SGMS1: variants seen among roughly 807,000 people sequenced by gnomAD.
SGMS1 encodes the protein sphingomyelin synthase 1.
A neutral mutation model predicts 46.2 loss-of-function variants in SGMS1; 13 were observed. The observed-to-expected ratio is 0.28, with a 90% CI of 0.18 to 0.45. SGMS1 has a LOEUF of 0.45. SGMS1 is among the 20% of genes least tolerant of loss of function. The pLI is 1.00. For missense variants in SGMS1, 324 were observed against 519.9 expected, an observed-to-expected ratio of 0.62 and a Z score of 3.66; for synonymous variants, 203 against 187.8, an observed-to-expected ratio of 1.08 and a Z score of -0.66.
chr10:50,585,461 T>C (rs982689654), intron 2 of SGMS1, among the ~76,000 whole-genome samples: 4 of 152,266 alleles, frequency 2.6e-5, no homozygotes, highest in African/African-American at 9.6e-5. Flanking sequence ...TTATCAAGTT[T>C]ATAAAATTAA....
chr10:50,399,029 T>C (rs917824907), intron 6 of SGMS1, among the ~76,000 whole-genome samples: 5 of 152,084 alleles, frequency 3.3e-5, no homozygotes, highest in Non-Finnish European at 4.4e-5. Context: ...AGAGATTAAA[T>C]GTAAAAAGAT....
At chr10:50,523,654 C>T (rs1179946313) in intron 2 of SGMS1, among the ~76,000 whole-genome samples, 1 of 152,212 alleles carries the variant, frequency 6.6e-6, no homozygotes, top group East Asian at 1.9e-4. Flanking sequence ...AGAAAAGAAT[C>T]CTTTTCATAT....
chr10:50,307,439 T>C lies in SGMS1; in HGVS notation c.1063-118A>G. The stretch of plus-strand genomic sequence containing the variant: ...CCTGCCCTGCGTGTCCACCCACATA[T>C]CCCAGCTTCTCTCTCTCATCACCAT... On this transcript the variant is annotated intron_variant, in intron 10 of 10. Coordinates refer to ENST00000361781, the MANE Select transcript of SGMS1 (RefSeq NM_147156.4). The surrounding 1 kb of genome is among the most constrained non-coding windows in gnomAD (Gnocchi z 4.2). 1 of 747,650 alleles carries C rather than the reference T, an allele frequency of 1.3e-6. No individual in the cohort carries two copies. The allele number at this position is 747,650 out of a possible 1,614,324, so 46.3% of individuals were successfully genotyped here. A position where few individuals can be genotyped will look rare whatever the true frequency, so the allele number is the denominator to read the frequency against.
intron 5 of SGMS1, among the ~76,000 whole-genome samples, chr10:50,447,878 T>G (rs182041389): frequency 1.3e-5 from 2 of 152,172 alleles, no homozygotes; most frequent in Non-Finnish European, 2.9e-5. Flanking sequence ...AATAATCCCA[T>G]GTGCAGCAAA....
intron 2 of SGMS1, among the ~76,000 whole-genome samples, chr10:50,549,949 A>G (rs1320822753): frequency 6.6e-6 from 1 of 152,224 alleles, no homozygotes; most frequent in African/African-American, 2.4e-5. Flanking sequence ...ACAGCTATTA[A>G]AAGCTACATA....
chr10:50,482,926 G>C (rs1338619561), intron 3 of SGMS1, among the ~76,000 whole-genome samples: 1 of 152,106 alleles, frequency 6.6e-6, no homozygotes, highest in African/African-American at 2.4e-5. Context: ...CTGACAAACA[G>C]GCTTCAAACC....
chr10:50,589,282 T>G (rs887269342), intron 2 of SGMS1, among the ~76,000 whole-genome samples: 2 of 152,106 alleles, frequency 1.3e-5, no homozygotes, highest in African/African-American at 2.4e-5. Flanking sequence ...GTGAGAGAGA[T>G]AGACTGGGAC....
intron 6 of SGMS1, among the ~76,000 whole-genome samples, chr10:50,367,653 T>G (rs1848368042): frequency 6.6e-6 from 1 of 152,254 alleles, no homozygotes. Context: ...TTTCTTTTCC[T>G]GACAGCAATT....
intron 8 of SGMS1, among the ~76,000 whole-genome samples, chr10:50,313,448 T>A (rs1333133370): frequency 3.3e-5 from 5 of 152,120 alleles, no homozygotes; most frequent in African/African-American, 1.2e-4. Context: ...TGAAGGAGAA[T>A]AGGAAAAGGC....
At chr10:50,407,441 G>C (rs1849030912) in intron 6 of SGMS1, among the ~76,000 whole-genome samples, 3 of 152,098 alleles carry the variant, frequency 2.0e-5, no homozygotes, top group African/African-American at 7.2e-5. Flanking sequence ...CCGAGAAAGG[G>C]AGAAGCCACC....
chr10:50,520,868 A>G (rs766174882), intron 2 of SGMS1, among the ~76,000 whole-genome samples: 8 of 152,074 alleles, frequency 5.3e-5, no homozygotes, highest in Non-Finnish European at 4.4e-5. Flanking sequence ...TTTAAATCAT[A>G]GTTATACTTG....
At chr10:50,310,992 C>T (rs910892074) in intron 9 of SGMS1, among the ~76,000 whole-genome samples, 3 of 152,258 alleles carry the variant, frequency 2.0e-5, no homozygotes, top group Admixed American at 6.5e-5. Context: ...ATAACTGGCT[C>T]ATAACACACC....
At chr10:50,553,566 A>T (rs1838166824) in intron 2 of SGMS1, among the ~76,000 whole-genome samples, 1 of 152,206 alleles carries the variant, frequency 6.6e-6, no homozygotes, top group South Asian at 2.1e-4. Flanking sequence ...AGTTTGACAA[A>T]TTATAAATCT....
intron 3 of SGMS1, among the ~76,000 whole-genome samples, chr10:50,471,996 G>C (rs1354789702): frequency 1.3e-5 from 2 of 152,118 alleles, no homozygotes; most frequent in African/African-American, 4.8e-5. Flanking sequence ...TATTATATTT[G>C]TGTTACCAAT....
chr10:50,369,824 A>G (rs1252317409), intron 6 of SGMS1, among the ~76,000 whole-genome samples: 1 of 152,242 alleles, frequency 6.6e-6, no homozygotes, highest in Non-Finnish European at 1.5e-5. Context: ...ATGCATCATT[A>G]GGTGATTTTG....
At chr10:50,618,392 T>C (rs1251579070) in intron 1 of SGMS1, among the ~76,000 whole-genome samples, 1 of 152,104 alleles carries the variant, frequency 6.6e-6, no homozygotes, top group African/African-American at 2.4e-5. Flanking sequence ...AAGTTACCAT[T>C]GACAAAGTTG....
intron 2 of SGMS1, among the ~76,000 whole-genome samples, chr10:50,535,593 C>A (rs1002399062): frequency 1.3e-5 from 2 of 152,150 alleles, no homozygotes; most frequent in African/African-American, 4.8e-5. Context: ...TGGTCTCGAT[C>A]TCTTGACTTC....
chr10:50,317,842 AGCCCCG>A (rs1318646281), intron 8 of SGMS1, among the ~76,000 whole-genome samples: 3 of 144,206 alleles, frequency 2.1e-5, no homozygotes, highest in Non-Finnish European at 3.0e-5. Flanking sequence ...CTCTCTTGAG[AGCCCCG>A]GCTGGAGTGC....
chr10:50,624,631 G>A (rs908912229), upstream of SGMS1: 1 of 985,410 alleles, frequency 1.0e-6, no homozygotes, highest in African/African-American at 1.7e-5. Context: ...TCCGAGCTGC[G>A]GCGAAAACCC....
Sources: gnomAD v4.1 joint callset for allele counts (sites outside exome capture counted in the v4.1 genomes callset) on GRCh38, gnomAD v4.1.1 for gene constraint, Gnocchi (gnomAD v3.1) non-coding constraint, MANE v1.5 for transcripts, NCBI Gene and HGNC (gene_info 2026-07-23, HGNC 2026-07-21) for gene names.